SMCHD1: variants seen among roughly 807,000 people sequenced by gnomAD.
The protein encoded by SMCHD1 is structural maintenance of chromosomes flexible hinge domain containing 1.
Under a neutral mutation model 254.7 loss-of-function variants are expected in SMCHD1, and 78 were observed. The ratio of observed to expected loss-of-function variants is 0.31; its 90% CI spans 0.26 to 0.37. SMCHD1 has a LOEUF of 0.37. Ranked by LOEUF, SMCHD1 falls within the 10% of genes least tolerant of loss-of-function variation. The pLI is 1.00. For missense variants in SMCHD1, 1,840 were observed against 2,408.1 expected (o/e 0.76, Z 4.94); for synonymous variants, 766 against 794.9 (o/e 0.96, Z 0.61).
intron 22 of SMCHD1, among the ~76,000 whole-genome samples, chr18:2,728,059 A>T (rs906367323): frequency 6.6e-6 from 1 of 152,082 alleles, no homozygotes; most frequent in African/African-American, 2.4e-5. Flanking sequence ...AATTCTTTGA[A>T]TGTCTAAAAC....
Position 2,778,332 on chromosome 18 carries a change from C to T in SMCHD1, c.5547+93C>T, listed in dbSNP as rs1443218370. 4 of 850,316 alleles carry T rather than the reference C, an allele frequency of 4.7e-6. No individual in the cohort carries two copies. In the East Asian group the frequency reaches 8.3e-5, roughly 18 times the overall value. The allele number at this position is 850,316 out of a possible 1,614,324, so 52.7% of individuals were successfully genotyped here. A position where few individuals can be genotyped will look rare whatever the true frequency, so the allele number is the denominator to read the frequency against. On this transcript the variant is annotated intron_variant, in intron 44 of 47. Transcript: ENST00000320876. ...TACATATACAAACGACTAGCCTTTT[C>T]AAAACCAATTTAAATTCTGCAAATT...
intron 14 of SMCHD1, 61 bp from the exon 15 acceptor site, chr18:2,706,303 T>C (rs1295206054): frequency 8.2e-7 from 1 of 1,212,574 alleles, no homozygotes; most frequent in Non-Finnish European, 1.1e-6. Context: ...TGGGTGTTTG[T>C]TTTTATTACA....
Position 2,656,086 on chromosome 18 carries a change from C to G in SMCHD1, c.11C>G (p.Ala4Gly), listed in dbSNP as rs759215545. The G allele has an allele frequency of 2.9e-6, 4 of 1,401,964 alleles. No homozygotes were observed. The South Asian group carries it at 6.7e-5, about 23-fold the overall frequency. 86.8% of individuals were successfully genotyped at this position (1,401,964 alleles called of 1,614,324 possible). ...CTCCTTTTCCCCAATATGGCAGCGG[C>G]GGACGGCGGCGGGCCTGGTGGGGCC... Reference protein sequence around the residue: MAAADGGGPGGASV... With the variant: MAAGDGGGPGGASV... The change falls in exon 1 of 48, where the codon GCG (alanine) becomes GGG (glycine). Residue 4 changes from alanine to glycine, a missense_variant. Physicochemically the swap from Ala to Gly is moderately conservative, Grantham distance 60 (BLOSUM62 0). Around this residue, in one of 9 missense-constraint regions of SMCHD1, gnomAD observed 115 missense variants for 99.1 expected, o/e 1.16. Transcript: ENST00000320876.
intron 5 of SMCHD1, among the ~76,000 whole-genome samples, chr18:2,686,064 A>G (rs2074044166): frequency 6.6e-6 from 1 of 152,118 alleles, no homozygotes; most frequent in African/African-American, 2.4e-5. Context: ...ACATTCTTTT[A>G]TAACTTGAGT....
Position 2,722,521 on chromosome 18 carries a change from G to A in SMCHD1, c.2461G>A (p.Gly821Ser), listed in dbSNP as rs778936853. The A allele has an allele frequency of 2.5e-6, 4 of 1,610,818 alleles. No homozygotes were observed. Among genetic ancestry groups the A allele is most frequent in the South Asian group, 1.1e-5 (1 of 90,278 alleles). ...SKAIKFSVKE[G>S]KPEKFSFGLL... Reference sequence around the variant, plus strand: ...TTTCATTTTTGTTTTTGTTAAAGAGGGTAAGCCAGAGAAATTTTCATTTGG... The same window carrying A: ...TTTCATTTTTGTTTTTGTTAAAGAGAGTAAGCCAGAGAAATTTTCATTTGG... The change falls in exon 20 of 48, where the codon GGT (glycine) becomes AGT (serine). Residue 821 changes from glycine (G) to serine (S), a missense_variant and splice_region_variant. By Grantham distance (56) the Gly-to-Ser change is moderately conservative. Transcript: ENST00000320876.
intron 32 of SMCHD1, among the ~76,000 whole-genome samples, chr18:2,750,775 A>G (rs1393445889): frequency 1.3e-5 from 2 of 152,130 alleles, no homozygotes; most frequent in African/African-American, 2.4e-5. Flanking sequence ...CAAAGTTTAG[A>G]TTTAAAAATT....
rs567505749 is a variant in SMCHD1 at position 2,740,699 on chromosome 18, T to A, written c.3515-4T>A. 1.8e-5 allele frequency: 27 copies of A among 1,504,466 alleles called. No individual in the cohort carries two copies. The South Asian group carries it at 2.7e-4, about 15-fold the overall frequency. 93.2% of individuals were successfully genotyped at this position (1,504,466 alleles called of 1,614,324 possible). On this transcript the variant is annotated splice_region_variant and splice_polypyrimidine_tract_variant and intron_variant, in intron 27 of 47. Transcript: ENST00000320876. ...TACTAAAATAAAACTTCCCCCTTTT[T>A]TAGTTATAATAATTACAGATCAGTA...
rs748396191 is a variant in SMCHD1 at position 2,743,725 on chromosome 18, AC to A, written c.3634-31del. 51 of 1,500,044 alleles carry A rather than the reference AC, an allele frequency of 3.4e-5. No individual in the cohort carries two copies. In the African/African-American group the frequency reaches 6.5e-4, roughly 19 times the overall value. 92.9% of individuals were successfully genotyped at this position (1,500,044 alleles called of 1,614,324 possible). ...TTTGTTTTTCTGAACACTAAGTGAT[AC>A]CCCCTGTCTTTCTCAATGTACTTTT... On this transcript the variant is annotated intron_variant, in intron 28 of 47. Transcript: ENST00000320876.
At chr18:2,668,963 C>G (rs2073518351) in intron 3 of SMCHD1, among the ~76,000 whole-genome samples, 1 of 151,792 alleles carries the variant, frequency 6.6e-6, no homozygotes, top group Non-Finnish European at 1.5e-5. Flanking sequence ...TAGCCTCGAA[C>G]TCCTAAGCTT....
At chr18:2,708,907 T>TATATATATATATATATAA (rs769432583) in intron 17 of SMCHD1, among the ~76,000 whole-genome samples, 1,002 of 44,628 alleles carry the variant, frequency 0.022, 237 homozygotes, top group South Asian at 0.037. Flanking sequence ...TATATATATA[T>TATATATATATATATATAA]AACATATTAA....
intron 45 of SMCHD1, among the ~76,000 whole-genome samples, chr18:2,787,713 A>C (rs563567333): frequency 1.3e-5 from 2 of 152,332 alleles, no homozygotes; most frequent in South Asian, 4.1e-4. Context: ...TTCTTGACAA[A>C]TATATTCAAA....
intron 8 of SMCHD1, among the ~76,000 whole-genome samples, chr18:2,695,309 A>T (rs1162790634): frequency 1.6e-4 from 22 of 140,758 alleles, no homozygotes; most frequent in African/African-American, 4.8e-4. Flanking sequence ...CTAAAAAAAA[A>T]TTTTTTTTTT....
intron 34 of SMCHD1, among the ~76,000 whole-genome samples, chr18:2,755,899 T>C (rs2075670212): frequency 1.3e-5 from 2 of 152,112 alleles, no homozygotes; most frequent in Non-Finnish European, 1.5e-5. Context: ...TACCACAGCA[T>C]CTTGGATTTA....
At chr18:2,687,549 A>G (rs766090683) in intron 5 of SMCHD1, among the ~76,000 whole-genome samples, 4 of 151,668 alleles carry the variant, frequency 2.6e-5, no homozygotes, top group Non-Finnish European at 5.9e-5. Context: ...CTTTTTATGT[A>G]TCTTGTTTGG....
chr18:2,695,045 T>A (rs1221988272), intron 8 of SMCHD1, among the ~76,000 whole-genome samples: 1 of 29,282 alleles, frequency 3.4e-5, no homozygotes, highest in Non-Finnish European at 7.6e-5. Flanking sequence ...TTCCATACCA[T>A]ATATATTTAT....
chr18:2,701,225 A>G (rs1293378421), intron 12 of SMCHD1: 2 of 176,214 alleles, frequency 1.1e-5, no homozygotes, highest in Admixed American at 6.0e-5. Context: ...CAGTGGCTCA[A>G]TCTCAGCTCA....
At chr18:2,716,348 T>C (rs1157397837) in intron 17 of SMCHD1, among the ~76,000 whole-genome samples, 1 of 152,196 alleles carries the variant, frequency 6.6e-6, no homozygotes, top group Non-Finnish European at 1.5e-5. Flanking sequence ...GCAGATGTTT[T>C]AATGGGCTGT....
intron 44 of SMCHD1, among the ~76,000 whole-genome samples, chr18:2,780,654 A>G (rs1161779238): frequency 6.6e-6 from 1 of 152,148 alleles, no homozygotes; most frequent in Non-Finnish European, 1.5e-5. Context: ...TATGTGTTGA[A>G]CTAGCTCTCT....
chr18:2,758,295 G>A (rs2075721139), intron 34 of SMCHD1, among the ~76,000 whole-genome samples: 1 of 151,516 alleles, frequency 6.6e-6, no homozygotes, highest in African/African-American at 2.4e-5. Flanking sequence ...ATCTTTCACT[G>A]TTCTCTAAGT....
Sources: gnomAD v4.1 joint callset for allele counts (sites outside exome capture counted in the v4.1 genomes callset) on GRCh38, gnomAD v4.1.1 for gene constraint, gnomAD v4.1.1 regional missense constraint, MANE v1.5 for transcripts, NCBI Gene and HGNC (gene_info 2026-07-23, HGNC 2026-07-21) for gene names.